The following CTSC variants were observed in gnomAD, a reference collection of about 807,000 sequenced individuals.
CTSC encodes the protein dipeptidyl peptidase 1.
A neutral mutation model predicts 40.9 loss-of-function variants in CTSC; 37 were observed. The observed-to-expected ratio is 0.91, with a 90% CI of 0.70 to 1.19. CTSC has a LOEUF of 1.19. CTSC is among the 50% of genes most tolerant of loss of function. CTSC has a pLI of 0.00. For missense variants in CTSC, 594 were observed against 567.3 expected (o/e 1.05, Z -0.48); for synonymous variants, 232 against 207.4 (o/e 1.12, Z -1.02).
Position 88,330,591 on chromosome 11 carries a change from G to A in CTSC, c.318+4346C>T, listed in dbSNP as rs185387600. 1.5e-3 allele frequency among the ~76,000 whole-genome samples: 234 copies of A among 151,952 alleles called. 3 individuals carry two copies. Among genetic ancestry groups the A allele is most frequent in the African/African-American group, 5.0e-3 (208 of 41,406 alleles). Reference sequence around the variant, plus strand: ...CTCGAACGCCTGACCTCAGGTGATCGCCTGTCTCGGCCTCCCAAAGTGCTG... The same window carrying A: ...CTCGAACGCCTGACCTCAGGTGATCACCTGTCTCGGCCTCCCAAAGTGCTG... On this transcript the variant is annotated intron_variant, in intron 2 of 6. Coordinates refer to ENST00000227266, the MANE Select transcript of CTSC (RefSeq NM_001814.6).
chr11:88,332,362 G>A (rs951373765), intron 2 of CTSC, among the ~76,000 whole-genome samples: 3 of 152,064 alleles, frequency 2.0e-5, no homozygotes, highest in South Asian at 4.1e-4. Context: ...CTTGAGTTAC[G>A]CATCCTTTCA....
intron 2 of CTSC, among the ~76,000 whole-genome samples, chr11:88,316,650 G>A (rs1202282327): frequency 6.6e-6 from 1 of 152,022 alleles, no homozygotes; most frequent in Non-Finnish European, 1.5e-5. Flanking sequence ...TCAGTACCTA[G>A]AAAACTATCT....
At chr11:88,326,437 T>C in intron 2 of CTSC, 1 of 1,610,706 alleles carries the variant, frequency 6.2e-7, no homozygotes. Flanking sequence ...GATGCTCTAT[T>C]TAATAACTAC....
intron 2 of CTSC, among the ~76,000 whole-genome samples, chr11:88,329,298 A>G (rs757144504): frequency 6.6e-6 from 1 of 151,988 alleles, no homozygotes; most frequent in Non-Finnish European, 1.5e-5. Context: ...TCTGGTCAAC[A>G]TGGTGAAACC....
intron 2 of CTSC, chr11:88,324,635 G>C (rs1386411086): frequency 2.0e-6 from 2 of 984,480 alleles, no homozygotes; most frequent in East Asian, 2.3e-4. Context: ...GAGAAATACA[G>C]ATTTTCAATC....
intron 5 of CTSC, 86 bp from the exon 6 acceptor site, chr11:88,296,350 T>C: frequency 6.7e-7 from 1 of 1,494,008 alleles, no homozygotes; most frequent in South Asian, 1.1e-5. Flanking sequence ...ATCACATACA[T>C]TAATGTTTAT....
intron 2 of CTSC, chr11:88,322,979 T>A (rs1938068811): frequency 6.6e-6 from 1 of 152,150 alleles, no homozygotes; most frequent in Non-Finnish European, 1.5e-5. Context: ...AAAGAAAACT[T>A]CAGTCCAATA....
chr11:88,300,993 A>G (rs1186667488), intron 4 of CTSC, among the ~76,000 whole-genome samples: 1 of 152,170 alleles, frequency 6.6e-6, no homozygotes, highest in Non-Finnish European at 1.5e-5. Context: ...GAAGTAGAAG[A>G]CATAAGAAGG....
intron 2 of CTSC, chr11:88,324,629 A>G: frequency 1.0e-6 from 1 of 984,092 alleles, no homozygotes; most frequent in Non-Finnish European, 1.2e-6. Context: ...TACAGGGAGA[A>G]ATACAGATTT....
intron 3 of CTSC, among the ~76,000 whole-genome samples, chr11:88,310,449 ACTAT>A (rs199699082): frequency 0.064 from 9,784 of 152,214 alleles, 409 homozygotes; most frequent in Non-Finnish European, 0.096. Context: ...AGAGTGACTC[ACTAT>A]CTAAGACTTC....
chr11:88,333,341 G>A (rs1938411593), intron 2 of CTSC, among the ~76,000 whole-genome samples: 1 of 152,104 alleles, frequency 6.6e-6, no homozygotes, highest in Non-Finnish European at 1.5e-5. Context: ...TTTCCCAACT[G>A]AATTCCACTT....
chr11:88,325,975 T>G, intron 2 of CTSC: 1 of 1,002,808 alleles, frequency 1.0e-6, no homozygotes, highest in Non-Finnish European at 1.2e-6. Flanking sequence ...ACAGTTAAAC[T>G]GTGAATAAAA....
intron 2 of CTSC, chr11:88,323,655 G>T (rs1938093382): frequency 6.6e-6 from 1 of 152,080 alleles, no homozygotes; most frequent in Admixed American, 6.6e-5. Context: ...AATCATGAAT[G>T]AACTCCCATT....
chr11:88,325,056 A>G, intron 2 of CTSC: 1 of 984,864 alleles, frequency 1.0e-6, no homozygotes, highest in Non-Finnish European at 1.2e-6. Flanking sequence ...TGAATTAAAC[A>G]TAACCCCATA....
chr11:88,311,216 C>G (rs1374684764), intron 3 of CTSC, among the ~76,000 whole-genome samples: 3 of 152,118 alleles, frequency 2.0e-5, no homozygotes, highest in Non-Finnish European at 4.4e-5. Context: ...CATAGCATAT[C>G]CTAAATGATA....
chr11:88,337,100 G>A (rs994481621), intron 1 of CTSC, among the ~76,000 whole-genome samples: 1 of 152,028 alleles, frequency 6.6e-6, no homozygotes, highest in African/African-American at 2.4e-5. Flanking sequence ...ATCCTCGAGA[G>A]TCTCTGAGCT....
intron 2 of CTSC, chr11:88,322,772 A>G (rs1938058994): frequency 6.6e-6 from 1 of 152,224 alleles, no homozygotes; most frequent in African/African-American, 2.4e-5. Context: ...GTGAGGCAGT[A>G]ATAAATAGCC....
At chr11:88,333,862 G>C (rs1938424985) in intron 2 of CTSC, among the ~76,000 whole-genome samples, 2 of 151,902 alleles carry the variant, frequency 1.3e-5, no homozygotes, top group African/African-American at 4.8e-5. Context: ...GTTGAGGAAA[G>C]GCAACCTCTT....
rs1376296901 is a variant in CTSC, at chr11:88,298,993, GCTTTA to G, written c.757+1532_757+1536del. The G allele has an allele frequency of 9.2e-5, 14 of 152,090 alleles. No homozygotes were observed. The East Asian group carries it at 2.7e-3, about 29-fold the overall frequency. 9.4% of individuals were successfully genotyped at this position (152,090 alleles called of 1,614,324 possible). On this transcript the variant is annotated intron_variant, in intron 5 of 6. Transcript: ENST00000227266. Reference sequence around the variant, plus strand: ...AATGCTTTATTAAAGTAGTTATCATGCTTTACTTTAATGTTTTGCTTGTATGTCTT... The same window carrying G: ...AATGCTTTATTAAAGTAGTTATCATGCTTTAATGTTTTGCTTGTATGTCTT...
Sources: gnomAD v4.1 joint callset for allele counts (sites outside exome capture counted in the v4.1 genomes callset) on GRCh38, gnomAD v4.1.1 for gene constraint, MANE v1.5 for transcripts, NCBI Gene and HGNC (gene_info 2026-07-23, HGNC 2026-07-21) for gene names.